Variants in ZMAT4 observed in about 807,000 individuals in gnomAD.
ZMAT4 encodes the protein zinc finger matrin-type 4.
ZMAT4 carries 17 observed loss-of-function variants against 28.7 expected under a neutral mutation model. The ratio of observed to expected loss-of-function variants is 0.59; its 90% CI spans 0.41 to 0.89. The LOEUF (loss-of-function observed/expected upper bound fraction) is 0.89, where lower values mean the gene tolerates loss of function less well. Among genes scored for constraint, ZMAT4 ranks in the 40% least tolerant of loss-of-function variants. The pLI is 0.00. For synonymous variants in ZMAT4, 117 were observed against 109.2 expected (o/e 1.07, Z -0.44); for missense variants, 240 against 283.8 (o/e 0.85, Z 1.11).
intron 3 of ZMAT4, among the ~76,000 whole-genome samples, chr8:40,749,591 G>A (rs1210157922): frequency 6.6e-6 from 1 of 152,218 alleles, no homozygotes; most frequent in Non-Finnish European, 1.5e-5. Flanking sequence ...GGATGACCCT[G>A]TGAACACTGT....
chr8:40,780,960 A>C (rs1813800489), intron 2 of ZMAT4, among the ~76,000 whole-genome samples: 1 of 152,192 alleles, frequency 6.6e-6, no homozygotes, highest in Admixed American at 6.5e-5. Flanking sequence ...TTTCCCCCTA[A>C]GATGAGGAGC....
intron 5 of ZMAT4, among the ~76,000 whole-genome samples, chr8:40,633,003 T>C (rs748011709): frequency 3.3e-5 from 5 of 152,210 alleles, no homozygotes; most frequent in Non-Finnish European, 7.3e-5. Context: ...CATGGACTTG[T>C]CCTCTTTTGC....
At chr8:40,804,291 T>G (rs1289455819) in intron 2 of ZMAT4, among the ~76,000 whole-genome samples, 1 of 152,172 alleles carries the variant, frequency 6.6e-6, no homozygotes, top group Non-Finnish European at 1.5e-5. Flanking sequence ...TGCACCTCTA[T>G]GGTGGGTGAT....
chr8:40,783,551 T>A (rs986976663), intron 2 of ZMAT4, among the ~76,000 whole-genome samples: 2 of 152,160 alleles, frequency 1.3e-5, no homozygotes, highest in African/African-American at 4.8e-5. Context: ...ACTATACACT[T>A]AAAATGGTAA....
In ZMAT4 at chr8:40,635,114, A is replaced by G. The variant is rs543464826; in HGVS notation, c.577+39590T>C. Among the ~76,000 whole-genome samples, 7 of 152,326 alleles carry G rather than the reference A, an allele frequency of 4.6e-5. No individual in the cohort carries two copies. In the South Asian group the frequency reaches 1.4e-3, roughly 32 times the overall value. On this transcript the variant is annotated intron_variant, in intron 5 of 6. Coordinates refer to ENST00000297737, the MANE Select transcript of ZMAT4 (RefSeq NM_024645.3). ...CTACAGTACAGGTAACTGAATTCCA[A>G]AAAAATCTGGTAAACAACAGTGTTC...
chr8:40,753,348 C>G (rs1222971406), intron 3 of ZMAT4, among the ~76,000 whole-genome samples: 2 of 152,148 alleles, frequency 1.3e-5, no homozygotes, highest in African/African-American at 4.8e-5. Context: ...CTCTTCCCCA[C>G]CATCACTGCA....
At chr8:40,663,614 A>T (rs180906599) in intron 5 of ZMAT4, among the ~76,000 whole-genome samples, 307 of 152,326 alleles carry the variant, frequency 2.0e-3, no homozygotes, top group African/African-American at 6.2e-3. Context: ...AACATGAGCC[A>T]TTTAAGCAGT....
At chr8:40,737,008 A>G (rs1811792235) in intron 3 of ZMAT4, among the ~76,000 whole-genome samples, 1 of 152,234 alleles carries the variant, frequency 6.6e-6, no homozygotes, top group South Asian at 2.1e-4. Context: ...GGAAAGATCT[A>G]TAAAGCATTT....
chr8:40,560,152 C>T (rs1803686740), intron 6 of ZMAT4, among the ~76,000 whole-genome samples: 2 of 151,512 alleles, frequency 1.3e-5, no homozygotes, highest in Admixed American at 1.3e-4. Context: ...TCACACAGTG[C>T]CAAGTGATTT....
chr8:40,820,694 T>C (rs1815745990), intron 2 of ZMAT4, among the ~76,000 whole-genome samples: 1 of 3,884 alleles, frequency 2.6e-4, no homozygotes, highest in South Asian at 0.01. Flanking sequence ...TGTGTCTATG[T>C]ATATGTTTAT....
intron 1 of ZMAT4, among the ~76,000 whole-genome samples, chr8:40,854,046 A>G (rs1234493921): frequency 6.6e-6 from 1 of 152,198 alleles, no homozygotes; most frequent in Non-Finnish European, 1.5e-5. Context: ...AAGGAGCAAG[A>G]CAGAGAGGAG....
rs1802683768 is a variant in ZMAT4 at position 40,531,193 on chromosome 8, TC to T, written c.*1029del. On this transcript the variant is annotated 3_prime_UTR_variant, in exon 7 of 7. Transcript: ENST00000297737. ...ATGATCTGCACTCAGACGCTCCCCA[TC>T]AGAAAGGAACTGTTTTCTTTATCGG... The T allele has an allele frequency of 6.6e-6, 1 of 152,078 alleles. No homozygotes were observed. The allele number at this position is 152,078 out of a possible 1,614,324, so 9.4% of individuals were successfully genotyped here. A position where few individuals can be genotyped will look rare whatever the true frequency, so the allele number is the denominator to read the frequency against.
intron 3 of ZMAT4, among the ~76,000 whole-genome samples, chr8:40,717,965 GAAATTAACTTTGATAGCTTACTATTA>G (rs1240679760): frequency 6.6e-6 from 1 of 152,092 alleles, no homozygotes; most frequent in Non-Finnish European, 1.5e-5. Context: ...TCAAAACTGA[GAAATTAACTTTGATAGCTTACTATTA>G]ACAAAACTCC....
intron 5 of ZMAT4, among the ~76,000 whole-genome samples, chr8:40,590,714 T>A (rs1585725749): frequency 6.6e-6 from 1 of 150,376 alleles, no homozygotes; most frequent in South Asian, 2.1e-4. Flanking sequence ...TCAGTATAAG[T>A]GTGTGTGTGT....
intron 1 of ZMAT4, among the ~76,000 whole-genome samples, chr8:40,845,654 G>A (rs1816860082): frequency 6.6e-6 from 1 of 150,774 alleles, no homozygotes; most frequent in African/African-American, 2.4e-5. Context: ...AACCCCAAGA[G>A]ACCACTGGGA....
intron 2 of ZMAT4, among the ~76,000 whole-genome samples, chr8:40,812,373 A>G (rs1815353619): frequency 6.6e-6 from 1 of 152,216 alleles, no homozygotes; most frequent in Non-Finnish European, 1.5e-5. Context: ...CTCTCCAAGG[A>G]CACATAACTC....
At chr8:40,740,651 C>T (rs940536909) in intron 3 of ZMAT4, among the ~76,000 whole-genome samples, 2 of 152,164 alleles carry the variant, frequency 1.3e-5, no homozygotes, top group African/African-American at 4.8e-5. Context: ...GAAATACTAA[C>T]TTTCAAGAGA....
intron 1 of ZMAT4, among the ~76,000 whole-genome samples, chr8:40,864,770 A>G (rs1817620354): frequency 6.6e-6 from 1 of 152,192 alleles, no homozygotes; most frequent in Non-Finnish European, 1.5e-5. Flanking sequence ...CTAGCATGTG[A>G]GGAGATGGCT....
At chr8:40,673,015 A>C (rs920445283) in intron 5 of ZMAT4, among the ~76,000 whole-genome samples, 1 of 152,218 alleles carries the variant, frequency 6.6e-6, no homozygotes, top group Non-Finnish European at 1.5e-5. Flanking sequence ...GTTGTTTTTA[A>C]TCAGGTCTTT....
Sources: allele counts gnomAD v4.1 joint callset (sites outside exome capture counted in the v4.1 genomes callset), GRCh38; gene constraint gnomAD v4.1.1; transcripts MANE v1.5; gene names NCBI Gene and HGNC (gene_info 2026-07-23, HGNC 2026-07-21).